Variants in SMIM14 observed in about 807,000 individuals in gnomAD.
SMIM14 encodes chromosome 4 open reading frame 34.
SMIM14 carries 5 observed loss-of-function variants against 12.6 expected under a neutral mutation model. The observed-to-expected ratio is 0.40, with a 90% confidence interval of 0.21 to 0.83. The LOEUF (loss-of-function observed/expected upper bound fraction) is 0.83. Ranked by LOEUF, SMIM14 falls within the 40% of genes least tolerant of loss-of-function variation. SMIM14 has a pLI of 0.37. For synonymous variants in SMIM14, 30 were observed against 40.1 expected, an observed-to-expected ratio of 0.75 and a Z score of 0.95; for missense variants, 86 against 119.1, an observed-to-expected ratio of 0.72 and a Z score of 1.29.
Position 39,570,940 on chromosome 4 carries a change from T to TTG in SMIM14, c.124+1473_124+1474dup, listed in dbSNP as rs1712848327. 2.6e-5 allele frequency among the ~76,000 whole-genome samples: 4 copies of TTG among 152,324 alleles called. No individual in the cohort carries two copies. The South Asian group carries it at 8.3e-4, about 32-fold the overall frequency. ...TCTAATTATGCCAGGCTTCACCATC[T>TTG]TGTGAATGTCATACTTTCCTTCTTG... On this transcript the variant is annotated intron_variant, in intron 3 of 4. Coordinates refer to ENST00000295958, the MANE Select transcript of SMIM14 (RefSeq NM_174921.3).
intron 3 of SMIM14, among the ~76,000 whole-genome samples, chr4:39,571,078 C>T (rs1712854684): frequency 6.6e-6 from 1 of 152,058 alleles, no homozygotes; most frequent in South Asian, 2.1e-4. Flanking sequence ...ACATAATGGT[C>T]ACTAAGTCTG....
At chr4:39,600,554 G>C (rs1714566354) in intron 2 of SMIM14, among the ~76,000 whole-genome samples, 1 of 152,114 alleles carries the variant, frequency 6.6e-6, no homozygotes, top group Non-Finnish European at 1.5e-5. Context: ...GCCGAGCGTG[G>C]TGGCAGGCGC....
At position 39,614,944 on chromosome 4, in the gene SMIM14, C is replaced by T. The variant is rs575500992; in HGVS notation, c.-35-9764G>A. ...TCCTGGTAGGGATTGGCAGTAATAACTCAGTTGAGTCATACTGTTGCTATA... is the reference window on the plus strand; with the variant it reads ...TCCTGGTAGGGATTGGCAGTAATAATTCAGTTGAGTCATACTGTTGCTATA... On this transcript the variant is annotated intron_variant, in intron 1 of 4. Coordinates refer to ENST00000295958, the MANE Select transcript of SMIM14 (RefSeq NM_174921.3). Among the ~76,000 whole-genome samples the T allele has an allele frequency of 7.7e-4, 118 of 152,298 alleles. 1 individual carries two copies. In the South Asian group the frequency reaches 7.9e-3, roughly 10 times the overall value.
At chr4:39,552,526 G>C (rs1711770882) in intron 4 of SMIM14, among the ~76,000 whole-genome samples, 1 of 152,094 alleles carries the variant, frequency 6.6e-6, no homozygotes, top group South Asian at 2.1e-4. Flanking sequence ...TGCTAAAGTC[G>C]ATTGGCTAAG....
chr4:39,597,148 A>G (rs1235450027), intron 2 of SMIM14, among the ~76,000 whole-genome samples: 1 of 144,124 alleles, frequency 6.9e-6, no homozygotes, highest in Non-Finnish European at 1.5e-5. Flanking sequence ...CAGTGCATCC[A>G]TATGACTCCC....
intron 2 of SMIM14, among the ~76,000 whole-genome samples, chr4:39,581,263 C>T (rs1713476908): frequency 6.6e-6 from 1 of 151,870 alleles, no homozygotes; most frequent in African/African-American, 2.4e-5. Flanking sequence ...TTATATTCTC[C>T]CTCTAAAATT....
Position 39,590,435 on chromosome 4 carries a change from A to G in SMIM14, c.75+14636T>C, listed in dbSNP as rs940143153. On this transcript the variant is annotated intron_variant, in intron 2 of 4. Coordinates refer to ENST00000295958, the MANE Select transcript of SMIM14 (RefSeq NM_174921.3). ...CCTCAAAAAAAAAAAAGAATGATTCATGATTAGACGGGGATTTTGTGTAGG... is the reference window on the plus strand; with the variant it reads ...CCTCAAAAAAAAAAAAGAATGATTCGTGATTAGACGGGGATTTTGTGTAGG... Among the ~76,000 whole-genome samples, 3 of 151,886 alleles carry G rather than the reference A, an allele frequency of 2.0e-5. No individual in the cohort carries two copies. The East Asian group carries it at 5.8e-4, about 29-fold the overall frequency.
chr4:39,567,745 A>C (rs1409931512), intron 3 of SMIM14, among the ~76,000 whole-genome samples: 1 of 151,912 alleles, frequency 6.6e-6, no homozygotes. Flanking sequence ...CTCAAAAGAA[A>C]GGAAAAAAAA....
intron 4 of SMIM14, among the ~76,000 whole-genome samples, chr4:39,553,059 G>GTTT (rs796515854): frequency 1.8e-4 from 26 of 141,914 alleles, no homozygotes; most frequent in Non-Finnish European, 3.7e-4. Context: ...CATTTTAATA[G>GTTT]TTTTTTTTTT....
In SMIM14 at chr4:39,556,557, A is replaced by G. The variant is rs756151365; in HGVS notation, c.138T>C (p.Ser46=). The G allele has an allele frequency of 1.9e-6, 3 of 1,606,616 alleles. No homozygotes were observed. Among genetic ancestry groups the G allele is most frequent in the Non-Finnish European group, 2.5e-6 (3 of 1,178,216 alleles). ...TTGTAACACTGATGCCATTATCACC[A>G]GAGGGTCCCGGTACTAAAGACAAAC... is the stretch of plus-strand genomic sequence containing the variant. The part of the protein sequence containing the change: ...TECLQELPGP[S]GDNGISVTMI... Residue 46 remains serine (S), a synonymous_variant, in exon 4 of 5, where the codon TCT becomes TCC. Transcript: ENST00000295958.
In SMIM14 at chr4:39,556,576, G is replaced by A. The variant is rs1368761485; in HGVS notation, c.125-6C>T. 4.4e-6 allele frequency: 7 copies of A among 1,578,680 alleles called. No homozygotes were observed. In the Admixed American group the frequency reaches 6.1e-5, roughly 14 times the overall value. On this transcript the variant is annotated splice_polypyrimidine_tract_variant and splice_region_variant and intron_variant, in intron 3 of 4. Transcript: ENST00000295958. ...ATCACCAGAGGGTCCCGGTACTAAAGACAAACAAAAAATGTAGCATGCTCA... is the reference window on the plus strand; with the variant it reads ...ATCACCAGAGGGTCCCGGTACTAAAAACAAACAAAAAATGTAGCATGCTCA...
Position 39,547,619 on chromosome 4 carries a change from T to C in SMIM14, c.*4507A>G, listed in dbSNP as rs1477142062. On this transcript the variant is annotated 3_prime_UTR_variant, in exon 5 of 5. Transcript: ENST00000295958. Reference sequence around the variant, plus strand: ...TAGAAACTCTCTTCATTTTTCCTTCTTCAAATTACTGTTTTGTGTCTTAAA... The same window carrying C: ...TAGAAACTCTCTTCATTTTTCCTTCCTCAAATTACTGTTTTGTGTCTTAAA... 6.6e-6 allele frequency: 1 copy of C among 152,228 alleles called. No individual in the cohort carries two copies. The highest frequency in any genetic ancestry group is 1.5e-5 in the Non-Finnish European group (1 of 68,038). 9.4% of individuals were successfully genotyped at this position (152,228 alleles called of 1,614,324 possible).
chr4:39,637,599 GA>G (rs58748053), intron 1 of SMIM14, among the ~76,000 whole-genome samples: 3,896 of 140,114 alleles, frequency 0.028, 156 homozygotes, highest in African/African-American at 0.092. Context: ...CACCACGTTG[GA>G]AAAAAAAAAA....
At position 39,549,704 on chromosome 4, in the gene SMIM14, A is replaced by G. The variant is rs1367335580; in HGVS notation, c.*2422T>C. 2.0e-5 allele frequency: 3 copies of G among 152,208 alleles called. No homozygotes were observed. Among genetic ancestry groups the G allele is most frequent in the Non-Finnish European group, 4.4e-5 (3 of 68,046 alleles). 9.4% of individuals were successfully genotyped at this position (152,208 alleles called of 1,614,324 possible). On this transcript the variant is annotated 3_prime_UTR_variant, in exon 5 of 5. Coordinates refer to ENST00000295958, the MANE Select transcript of SMIM14 (RefSeq NM_174921.3). ...TATGGGCAAGCCTTCTAAGTTCAAG[A>G]GGCAAGAGCAGAAAATGGAATGCTA...
At chr4:39,627,158 C>G (rs1715734550) in intron 1 of SMIM14, among the ~76,000 whole-genome samples, 1 of 152,092 alleles carries the variant, frequency 6.6e-6, no homozygotes, top group African/African-American at 2.4e-5. Context: ...TATAAGGGCA[C>G]TACTCCTCAT....
At chr4:39,579,113 T>G (rs1713360201) in intron 2 of SMIM14, among the ~76,000 whole-genome samples, 1 of 150,760 alleles carries the variant, frequency 6.6e-6, no homozygotes, top group African/African-American at 2.4e-5. Flanking sequence ...AAAAAGAGAT[T>G]AAAACACATA....
rs1341042134 is a variant in SMIM14, at chr4:39,550,834, G to T, written c.*1292C>A. On this transcript the variant is annotated 3_prime_UTR_variant, in exon 5 of 5. Coordinates refer to ENST00000295958, the MANE Select transcript of SMIM14 (RefSeq NM_174921.3). Reference sequence around the variant, plus strand: ...TTTTATAGGTCAGAGGATAACAAAAGACTCAATGTAGTAAATAAGTAAATA... The same window carrying T: ...TTTTATAGGTCAGAGGATAACAAAATACTCAATGTAGTAAATAAGTAAATA... The T allele has an allele frequency of 6.6e-6, 1 of 151,742 alleles. No homozygotes were observed. Among genetic ancestry groups the T allele is most frequent in the African/African-American group, 2.4e-5 (1 of 41,300 alleles). The allele number at this position is 151,742 out of a possible 1,614,324, so 9.4% of individuals were successfully genotyped here. A position where few individuals can be genotyped will look rare whatever the true frequency, so the allele number is the denominator to read the frequency against.
intron 1 of SMIM14, among the ~76,000 whole-genome samples, chr4:39,619,189 TTTAA>T (rs1028424195): frequency 2.0e-5 from 3 of 146,900 alleles, no homozygotes; most frequent in African/African-American, 2.5e-5. Context: ...ATAAATATAA[TTTAA>T]TTTATTCTAT....
rs1425354763 is a variant in SMIM14, at chr4:39,558,862, C to A, written c.125-2292G>T. Among the ~76,000 whole-genome samples the A allele has an allele frequency of 6.6e-6, 1 of 152,156 alleles. No homozygotes were observed. Among genetic ancestry groups the A allele is most frequent in the Non-Finnish European group, 1.5e-5 (1 of 68,032 alleles). ...TAGCTGGGATTACAGGCACATGCCACCATGCCTGGCTAACTTTTTGTATCT... is the reference window on the plus strand; with the variant it reads ...TAGCTGGGATTACAGGCACATGCCAACATGCCTGGCTAACTTTTTGTATCT... On this transcript the variant is annotated intron_variant, in intron 3 of 4. Transcript: ENST00000295958. This position sits in a 1 kb window ranked among gnomAD's most constrained non-coding sequence, Gnocchi z 4.3.
Sources: allele counts gnomAD v4.1 joint callset (sites outside exome capture counted in the v4.1 genomes callset), GRCh38; gene constraint gnomAD v4.1.1; non-coding constraint Gnocchi (gnomAD v3.1); transcripts MANE v1.5; gene names NCBI Gene and HGNC (gene_info 2026-07-23, HGNC 2026-07-21).